CSMD3: variants seen among roughly 807,000 people sequenced by gnomAD.
CSMD3 encodes CUB and sushi domain-containing protein 3.
CSMD3 carries 177 observed loss-of-function variants against 435.2 expected under a neutral mutation model. The ratio of observed to expected loss-of-function variants is 0.41; its 90% CI spans 0.36 to 0.46. CSMD3 has a LOEUF of 0.46. Among genes scored for constraint, CSMD3 ranks in the 20% least tolerant of loss-of-function variants. The probability of loss-of-function intolerance (pLI) is 0.34; values close to 1 mark genes in which losing one functional copy is unlikely to be tolerated. For synonymous variants in CSMD3, 1,656 were observed against 1,520.5 expected (o/e 1.09, Z -2.07); for missense variants, 4,265 against 4,504.6 (o/e 0.95, Z 1.52).
intron 3 of CSMD3, among the ~76,000 whole-genome samples, chr8:113,270,494 T>C (rs2093514054): frequency 6.6e-6 from 1 of 152,184 alleles, no homozygotes; most frequent in Non-Finnish European, 1.5e-5. Context: ...CAAAGGATTG[T>C]AAGTCATGCC....
intron 6 of CSMD3, 89 bp from the exon 7 acceptor site, chr8:112,976,237 C>G (rs2084843639): frequency 7.0e-7 from 1 of 1,420,328 alleles, no homozygotes. Context: ...ATATTCTCTT[C>G]TATTACCTTA....
chr8:113,262,410 T>G (rs113076443), intron 3 of CSMD3, among the ~76,000 whole-genome samples: 2,085 of 152,186 alleles, frequency 0.014, 19 homozygotes, highest in Non-Finnish European at 0.02. Context: ...CAACATAATA[T>G]AGTAGGCATA....
chr8:112,328,900 A>G (rs908975986), intron 45 of CSMD3, among the ~76,000 whole-genome samples: 1 of 152,152 alleles, frequency 6.6e-6, no homozygotes, highest in African/African-American at 2.4e-5. Flanking sequence ...TCTTTCCTTT[A>G]TAAATTACCA....
At chr8:113,412,272 G>A (rs955081449) in intron 1 of CSMD3, among the ~76,000 whole-genome samples, 2 of 152,006 alleles carry the variant, frequency 1.3e-5, no homozygotes, top group African/African-American at 4.8e-5. Context: ...CTATCTTTTG[G>A]CAGTGTCTAT....
intron 45 of CSMD3, among the ~76,000 whole-genome samples, chr8:112,334,066 A>T (rs1020260033): frequency 6.6e-6 from 1 of 152,180 alleles, no homozygotes; most frequent in African/African-American, 2.4e-5. Context: ...TTTTTTTAAA[A>T]AAAACAGCCG....
chr8:112,628,670 T>G (rs1453231345), intron 22 of CSMD3, among the ~76,000 whole-genome samples: 2 of 152,252 alleles, frequency 1.3e-5, no homozygotes, highest in Non-Finnish European at 2.9e-5. Flanking sequence ...CTCAACAAAT[T>G]TACTTAAAGC....
At chr8:112,268,750 A>C (rs557887357) in intron 59 of CSMD3, among the ~76,000 whole-genome samples, 6 of 152,316 alleles carry the variant, frequency 3.9e-5, no homozygotes, top group African/African-American at 1.4e-4. Context: ...CCATACTTCT[A>C]GCTTCAAGCC....
At chr8:113,127,831 T>A (rs1477872820) in intron 4 of CSMD3, among the ~76,000 whole-genome samples, 1 of 152,126 alleles carries the variant, frequency 6.6e-6, no homozygotes, top group Non-Finnish European at 1.5e-5. Flanking sequence ...GCCTTCATGA[T>A]GTGGTCCTCC....
intron 32 of CSMD3, among the ~76,000 whole-genome samples, chr8:112,456,374 G>A (rs1172015240): frequency 2.6e-5 from 4 of 152,060 alleles, no homozygotes; most frequent in African/African-American, 9.7e-5. Context: ...AGTAGCAGCA[G>A]TTTGTGGAAC....
chr8:112,466,455 T>C (rs923120239), intron 32 of CSMD3, among the ~76,000 whole-genome samples: 1 of 152,162 alleles, frequency 6.6e-6, no homozygotes, highest in Non-Finnish European at 1.5e-5. Flanking sequence ...CAAATATATG[T>C]GTGAATTTTA....
intron 13 of CSMD3, 132 bp from the exon 14 acceptor site, chr8:112,690,182 T>A: frequency 3.3e-6 from 1 of 298,988 alleles, no homozygotes; most frequent in Admixed American, 5.0e-5. Flanking sequence ...TTCTCCAATC[T>A]TTTTTTTTTT....
intron 13 of CSMD3, among the ~76,000 whole-genome samples, chr8:112,783,461 G>A: frequency 9.8e-6 from 1 of 101,796 alleles, no homozygotes; most frequent in Non-Finnish European, 1.9e-5. Context: ...AAGGAAGGAA[G>A]GAAGGAAGGA....
intron 53 of CSMD3, among the ~76,000 whole-genome samples, chr8:112,299,962 C>T (rs972147380): frequency 6.6e-6 from 1 of 151,370 alleles, no homozygotes; most frequent in African/African-American, 2.4e-5. Context: ...AATAAAACCA[C>T]ATACTATATA....
intron 15 of CSMD3, 76 bp from the exon 16 acceptor site, chr8:112,682,712 AAGAG>A: frequency 2.0e-6 from 2 of 995,106 alleles, no homozygotes; most frequent in Non-Finnish European, 3.2e-6. Context: ...TATTTTGGAA[AAGAG>A]AGAGAGAGAA....
intron 16 of CSMD3, among the ~76,000 whole-genome samples, chr8:112,682,170 T>C (rs895245446): frequency 2.0e-5 from 3 of 152,104 alleles, no homozygotes; most frequent in Admixed American, 6.5e-5. Flanking sequence ...TATAGAGAGT[T>C]TACACATGTG....
intron 3 of CSMD3, among the ~76,000 whole-genome samples, chr8:113,189,718 T>C (rs2092557399): frequency 1.3e-5 from 2 of 151,818 alleles, no homozygotes; most frequent in Non-Finnish European, 2.9e-5. Flanking sequence ...AATGGAATCT[T>C]GCAAGAAATG....
intron 2 of CSMD3, among the ~76,000 whole-genome samples, chr8:113,290,274 C>T (rs568875716): frequency 2.3e-4 from 35 of 151,422 alleles, no homozygotes; most frequent in Admixed American, 1.6e-3. Flanking sequence ...TTGAATAAAG[C>T]CTTATGATAG....
intron 4 of CSMD3, among the ~76,000 whole-genome samples, chr8:113,100,102 T>C (rs1209158250): frequency 6.6e-6 from 1 of 152,120 alleles, no homozygotes; most frequent in Admixed American, 6.6e-5. Flanking sequence ...TATTACTGTA[T>C]TATATGCATC....
intron 5 of CSMD3, among the ~76,000 whole-genome samples, chr8:113,081,963 G>T (rs943813018): frequency 6.6e-6 from 1 of 152,112 alleles, no homozygotes; most frequent in Non-Finnish European, 1.5e-5. Flanking sequence ...CTCTAGCAGG[G>T]AAGCCACTAT....
Sources: allele counts gnomAD v4.1 joint callset (sites outside exome capture counted in the v4.1 genomes callset), GRCh38; gene constraint gnomAD v4.1.1; transcripts MANE v1.5; gene names NCBI Gene and HGNC (gene_info 2026-07-23, HGNC 2026-07-21).